Variants in SYNE1 observed in about 807,000 individuals in gnomAD.
The protein encoded by SYNE1 is spectrin repeat containing nuclear envelope protein 1.
A neutral mutation model predicts 1,111.0 loss-of-function variants in SYNE1; 616 were observed. That is an observed-to-expected ratio of 0.55 (90% CI 0.52 to 0.59). SYNE1 has a LOEUF of 0.59. SYNE1 is among the 20% of genes least tolerant of loss of function. The probability of loss-of-function intolerance (pLI) is 0.00; values close to 1 mark genes in which losing one functional copy is unlikely to be tolerated. For synonymous variants in SYNE1, 3,855 were observed against 3,825.8 expected, an observed-to-expected ratio of 1.01 and a Z score of -0.28; for missense variants, 10,006 against 10,417.0, an observed-to-expected ratio of 0.96 and a Z score of 1.72.
chr6:152,619,824 G>T (rs1213385458), intron 3 of SYNE1, among the ~76,000 whole-genome samples: 2 of 152,092 alleles, frequency 1.3e-5, no homozygotes, highest in Non-Finnish European at 2.9e-5. Context: ...ACAAGAGAGG[G>T]AGGCTGATTG....
chr6:152,168,064 C>T lies in SYNE1; in HGVS notation c.23628-3739G>A, dbSNP rs757129501. On this transcript the variant is annotated intron_variant, in intron 130 of 145. Coordinates refer to ENST00000367255, the MANE Select transcript of SYNE1 (RefSeq NM_182961.4). ...TCCAGCGTCTATCCTACAAACCCCA[C>T]GTAACATGAAAGCTATGTACAATGG... 33 of 780,670 alleles carry T rather than the reference C, an allele frequency of 4.2e-5. No homozygotes were observed. In the Admixed American group the frequency reaches 4.6e-4, roughly 11 times the overall value. The allele number at this position is 780,670 out of a possible 1,614,324, so 48.4% of individuals were successfully genotyped here. A position where few individuals can be genotyped will look rare whatever the true frequency, so the allele number is the denominator to read the frequency against.
rs374782462 is a variant in SYNE1 at position 152,274,570 on chromosome 6, T to G, written c.18573+3519A>C. On this transcript the variant is annotated intron_variant, in intron 98 of 145. Transcript: ENST00000367255. The stretch of plus-strand genomic sequence containing the variant: ...GAACTTTTTTATTTTTGTGTAGTAG[T>G]TTCATTTTTATTTGTTTATTTATTT... Among the ~76,000 whole-genome samples the G allele has an allele frequency of 1.4e-4, 21 of 152,140 alleles. No individual in the cohort carries two copies. The South Asian group carries it at 3.3e-3, about 24-fold the overall frequency.
Position 152,294,115 on chromosome 6 carries a change from A to C in SYNE1, c.17695T>G (p.Tyr5899Asp). Residue 5899 changes from tyrosine (Y) to aspartate (D), a missense_variant, in exon 94 of 146, where the codon TAC becomes GAC. Physicochemically the swap from Tyr to Asp is radical, Grantham distance 160. This residue lies in a region of SYNE1 where 4,955 missense variants were observed against 5,017.2 expected (regional missense o/e 0.99). Coordinates refer to ENST00000367255, the MANE Select transcript of SYNE1 (RefSeq NM_182961.4). ...DASVNQDIAY[Y>D]QALSAERLQT... The stretch of plus-strand genomic sequence containing the variant: ...AACCTCTCAGCAGACAAGGCTTGGT[A>C]ATATGCAATGTCCTGTGAGTGCAAA... The C allele has an allele frequency of 6.2e-7, 1 of 1,613,700 alleles. No individual in the cohort carries two copies. The highest frequency in any genetic ancestry group is 1.3e-5 in the African/African-American group (1 of 75,030).
In SYNE1 at chr6:152,148,385, G is replaced by A. The variant is rs1214109101; in HGVS notation, c.24643-7C>T. ...CGTGCTCATCGTCTGGGAGCTAGAA[G>A]GGAAGTCAAGGCAACCCTGTCACTG... On this transcript the variant is annotated splice_region_variant and splice_polypyrimidine_tract_variant and intron_variant, in intron 136 of 145. Coordinates refer to ENST00000367255, the MANE Select transcript of SYNE1 (RefSeq NM_182961.4). The surrounding 1 kb of genome is among the most constrained non-coding windows in gnomAD (Gnocchi z 4.1). 3 of 1,612,096 alleles carry A rather than the reference G, an allele frequency of 1.9e-6. No individual in the cohort carries two copies. Among genetic ancestry groups the A allele is most frequent in the Non-Finnish European group, 2.5e-6 (3 of 1,179,400 alleles).
chr6:152,582,206 G>A (rs2099522317), intron 3 of SYNE1, among the ~76,000 whole-genome samples: 2 of 152,086 alleles, frequency 1.3e-5, no homozygotes, highest in Non-Finnish European at 2.9e-5. Flanking sequence ...AATACCTTCA[G>A]CTCTTCTGTG....
At chr6:152,276,966 C>G (rs1374645605) in intron 98 of SYNE1, among the ~76,000 whole-genome samples, 2 of 147,224 alleles carry the variant, frequency 1.4e-5, no homozygotes, top group African/African-American at 5.0e-5. Context: ...CTCACTGTAA[C>G]CTCTGCTTCC....
At chr6:152,351,318 T>C (rs1563272198) in intron 70 of SYNE1, among the ~76,000 whole-genome samples, 1 of 152,160 alleles carries the variant, frequency 6.6e-6, no homozygotes. Context: ...AGGATAGAAA[T>C]AGACATTGGC....
chr6:152,575,634 A>T (rs1053528550), intron 3 of SYNE1, among the ~76,000 whole-genome samples: 3 of 152,226 alleles, frequency 2.0e-5, no homozygotes, highest in African/African-American at 4.8e-5. Flanking sequence ...AACATAAATA[A>T]ACATGATCTT....
chr6:152,269,637 A>G (rs1396353813), intron 98 of SYNE1, among the ~76,000 whole-genome samples: 1 of 152,214 alleles, frequency 6.6e-6, no homozygotes, highest in African/African-American at 2.4e-5. Context: ...TAAGTCACAC[A>G]AAGGTAAACT....
intron 56 of SYNE1, among the ~76,000 whole-genome samples, chr6:152,377,640 A>T (rs66529171): frequency 0.014 from 461 of 32,204 alleles, 6 homozygotes; most frequent in Non-Finnish European, 0.017. Context: ...AAAAAAAAAA[A>T]ATATATATAT....
At chr6:152,440,374 ACT>A (rs577224745) in intron 32 of SYNE1, among the ~76,000 whole-genome samples, 7 of 151,872 alleles carry the variant, frequency 4.6e-5, no homozygotes, top group Non-Finnish European at 8.8e-5. Flanking sequence ...GGTCTTCAAG[ACT>A]CTGAAATATG....
intron 95 of SYNE1, among the ~76,000 whole-genome samples, chr6:152,286,778 A>T (rs1261971701): frequency 6.6e-6 from 1 of 152,248 alleles, no homozygotes; most frequent in Non-Finnish European, 1.5e-5. Flanking sequence ...TAACGGGAAG[A>T]GACTTCCTTA....
intron 130 of SYNE1, among the ~76,000 whole-genome samples, chr6:152,170,651 C>G (rs2064965793): frequency 6.6e-6 from 1 of 152,194 alleles, no homozygotes; most frequent in Non-Finnish European, 1.5e-5. Context: ...GGTAGAACAC[C>G]CTTTAAACTG....
intron 93 of SYNE1, among the ~76,000 whole-genome samples, chr6:152,297,426 AC>A (rs2153798289): frequency 6.6e-6 from 1 of 152,078 alleles, no homozygotes; most frequent in Non-Finnish European, 1.5e-5. Flanking sequence ...CGGCCACACT[AC>A]CTGCCACCTT....
At chr6:152,604,989 A>G (rs1413671545) in intron 3 of SYNE1, among the ~76,000 whole-genome samples, 1 of 25,182 alleles carries the variant, frequency 4.0e-5, no homozygotes, top group Admixed American at 5.1e-4. Context: ...AGAAAGAAAG[A>G]AAGAAAGAAA....
chr6:152,256,900 A>C, intron 101 of SYNE1, 135 bp from the exon 102 acceptor site: 1 of 1,322,722 alleles, frequency 7.6e-7, no homozygotes, highest in Non-Finnish European at 1.1e-6. Flanking sequence ...TATAACTTCT[A>C]CAACATACCA....
At chr6:152,302,840 G>GA (rs1317766720) in intron 91 of SYNE1, among the ~76,000 whole-genome samples, 2 of 152,042 alleles carry the variant, frequency 1.3e-5, no homozygotes, top group Non-Finnish European at 2.9e-5. Flanking sequence ...AGACAAGAAT[G>GA]AAAAAATATA....
chr6:152,483,072 C>T lies in SYNE1; in HGVS notation c.1350+13G>A, dbSNP rs994953289. 1.9e-6 allele frequency: 3 copies of T among 1,614,046 alleles called. No individual in the cohort carries two copies. Among genetic ancestry groups the T allele is most frequent in the East Asian group, 2.2e-5 (1 of 44,892 alleles). On this transcript the variant is annotated intron_variant, in intron 14 of 145. Coordinates refer to ENST00000367255, the MANE Select transcript of SYNE1 (RefSeq NM_182961.4). ...GCTGTTATGCTGCAAGGTTTTCCAA[C>T]CAGAATTTTTACCTTATGTTGCTCA...
intron 103 of SYNE1, among the ~76,000 whole-genome samples, 195 bp downstream of exon 103, chr6:152,255,396 C>T (rs1284024029): frequency 5.3e-5 from 8 of 152,164 alleles, no homozygotes; most frequent in Non-Finnish European, 1.2e-4. Flanking sequence ...AAGAGTTTCC[C>T]ATTTTTCCCT....
Sources: allele counts gnomAD v4.1 joint callset (sites outside exome capture counted in the v4.1 genomes callset), GRCh38; gene constraint gnomAD v4.1.1; regional missense constraint gnomAD v4.1.1; non-coding constraint Gnocchi (gnomAD v3.1); transcripts MANE v1.5; gene names NCBI Gene and HGNC (gene_info 2026-07-23, HGNC 2026-07-21).